NRP1: variants seen among roughly 807,000 people sequenced by gnomAD.
NRP1 encodes neuropilin-1.
In NRP1, 35 loss-of-function variants were observed where a neutral mutation model predicts 106.7. That is an observed-to-expected ratio of 0.33 (90% confidence interval 0.25 to 0.43). NRP1 has a LOEUF of 0.43. Ranked by LOEUF, NRP1 falls within the 20% of genes least tolerant of loss-of-function variation. NRP1 has a pLI of 1.00. For missense variants in NRP1, 1,024 were observed against 1,170.4 expected (o/e 0.87, Z 1.83); for synonymous variants, 437 against 417.9 (o/e 1.05, Z -0.56).
At chr10:33,240,843 T>C (rs1211591773) in intron 6 of NRP1, among the ~76,000 whole-genome samples, 1 of 152,192 alleles carries the variant, frequency 6.6e-6, no homozygotes, top group Admixed American at 6.5e-5. Flanking sequence ...TAGGTACAGC[T>C]GGTTGTCAGA....
At chr10:33,226,376 G>A in intron 6 of NRP1, 87 bp from the exon 7 acceptor site, 1 of 1,455,194 alleles carries the variant, frequency 6.9e-7, no homozygotes. Context: ...CCACGTTGTG[G>A]TTTTCATCCA....
intron 2 of NRP1, among the ~76,000 whole-genome samples, chr10:33,297,206 G>A: frequency 6.6e-6 from 1 of 152,156 alleles, no homozygotes; most frequent in East Asian, 1.9e-4. Flanking sequence ...ATTGCAGGAA[G>A]CAGCACACTT....
chr10:33,224,765 T>C (rs951026695), intron 7 of NRP1, among the ~76,000 whole-genome samples: 5 of 152,134 alleles, frequency 3.3e-5, no homozygotes, highest in Admixed American at 1.3e-4. Context: ...TTCCCTGCAA[T>C]GCATCCATGT....
intron 9 of NRP1, among the ~76,000 whole-genome samples, chr10:33,210,707 A>T (rs1838234775): frequency 6.6e-6 from 1 of 152,254 alleles, no homozygotes; most frequent in Admixed American, 6.5e-5. Context: ...TTTGGGGTAG[A>T]GAGTGAGGAA....
At chr10:33,224,604 G>C (rs139527571) in intron 7 of NRP1, among the ~76,000 whole-genome samples, 87 of 150,008 alleles carry the variant, frequency 5.8e-4, no homozygotes, top group Non-Finnish European at 8.3e-4. Flanking sequence ...AGGATGTATA[G>C]GTTTGTTACA....
At chr10:33,310,777 T>C (rs1012910791) in intron 2 of NRP1, among the ~76,000 whole-genome samples, 1 of 152,152 alleles carries the variant, frequency 6.6e-6, no homozygotes, top group Admixed American at 6.5e-5. Context: ...AAGCGTGAAA[T>C]GGAAAGACAA....
At position 33,179,936 on chromosome 10, in the gene NRP1, C is replaced by T. The variant is rs1835574265; in HGVS notation, c.*140G>A. 1 of 811,366 alleles carries T rather than the reference C, an allele frequency of 1.2e-6. No homozygotes were observed. The highest frequency in any genetic ancestry group is 2.0e-6 in the Non-Finnish European group (1 of 496,688). 50.3% of individuals were successfully genotyped at this position (811,366 alleles called of 1,614,324 possible). ...CTTGTCCATGTCTGTCGGCCATACT[C>T]ATTGAAGCTCCTGAGAAAAGCCTGG... On this transcript the variant is annotated 3_prime_UTR_variant, in exon 17 of 17. Coordinates refer to ENST00000374867, the MANE Select transcript of NRP1 (RefSeq NM_003873.7).
intron 3 of NRP1, among the ~76,000 whole-genome samples, chr10:33,264,437 G>T (rs1314885556): frequency 6.6e-6 from 1 of 152,214 alleles, no homozygotes; most frequent in Non-Finnish European, 1.5e-5. Flanking sequence ...GAGTGGTGTT[G>T]ACACAGGTGG....
intron 6 of NRP1, among the ~76,000 whole-genome samples, chr10:33,252,133 T>C (rs1012779479): frequency 6.6e-6 from 1 of 152,022 alleles, no homozygotes; most frequent in African/African-American, 2.4e-5. Flanking sequence ...AAGTGGCTGA[T>C]CGTCGAGAGC....
intron 4 of NRP1, among the ~76,000 whole-genome samples, chr10:33,262,868 TAATTCA>T (rs1842668909): frequency 1.3e-5 from 2 of 152,228 alleles, no homozygotes; most frequent in African/African-American, 2.4e-5. Flanking sequence ...TTCATGCACA[TAATTCA>T]TTTATTTGTA....
intron 2 of NRP1, among the ~76,000 whole-genome samples, chr10:33,313,888 T>A (rs926731897): frequency 6.6e-6 from 1 of 152,188 alleles, no homozygotes; most frequent in Admixed American, 6.5e-5. Flanking sequence ...TTGTCTTTCA[T>A]CCCATGGAAA....
intron 3 of NRP1, among the ~76,000 whole-genome samples, chr10:33,264,968 G>C (rs576082444): frequency 6.6e-6 from 1 of 152,050 alleles, no homozygotes; most frequent in South Asian, 2.1e-4. Flanking sequence ...AAATTAGCTG[G>C]GCGTGGTCGT....
intron 3 of NRP1, among the ~76,000 whole-genome samples, chr10:33,264,862 A>T (rs1842817259): frequency 6.6e-6 from 1 of 152,170 alleles, no homozygotes; most frequent in African/African-American, 2.4e-5. Context: ...TAATGCCAGC[A>T]CTTTGGGAGG....
intron 13 of NRP1, among the ~76,000 whole-genome samples, chr10:33,187,751 G>A (rs1327478388): frequency 6.6e-6 from 1 of 152,204 alleles, no homozygotes; most frequent in Admixed American, 6.5e-5. Flanking sequence ...GCAGCAAGAG[G>A]TTGTGTTTGT....
intron 6 of NRP1, among the ~76,000 whole-genome samples, chr10:33,240,925 A>G (rs547950767): frequency 6.6e-6 from 1 of 152,350 alleles, no homozygotes; most frequent in South Asian, 2.1e-4. Context: ...GAACTTCTCA[A>G]TTTAATATTT....
At chr10:33,297,673 C>A (rs111961133) in intron 2 of NRP1, among the ~76,000 whole-genome samples, 5 of 130,532 alleles carry the variant, frequency 3.8e-5, no homozygotes, top group African/African-American at 1.2e-4. Context: ...GGAGACAGAG[C>A]GAGACTTTGT....
At chr10:33,202,416 C>A in intron 11 of NRP1, 1 of 486,694 alleles carries the variant, frequency 2.1e-6, no homozygotes, top group Non-Finnish European at 3.5e-6. Flanking sequence ...AATGATTTAC[C>A]AAATCCCAAC....
chr10:33,243,662 C>A (rs762480971), intron 6 of NRP1, among the ~76,000 whole-genome samples: 7 of 152,108 alleles, frequency 4.6e-5, no homozygotes, highest in Non-Finnish European at 7.4e-5. Flanking sequence ...TTGGGGTAAA[C>A]AGAGCTGGGA....
At chr10:33,200,336 G>A (rs1016582611) in intron 11 of NRP1, among the ~76,000 whole-genome samples, 2 of 152,178 alleles carry the variant, frequency 1.3e-5, no homozygotes, top group Non-Finnish European at 2.9e-5. Context: ...TTGCAAATGA[G>A]TAATTTCAGG....
Sources: gnomAD v4.1 joint callset for allele counts (sites outside exome capture counted in the v4.1 genomes callset) on GRCh38, gnomAD v4.1.1 for gene constraint, MANE v1.5 for transcripts, NCBI Gene and HGNC (gene_info 2026-07-23, HGNC 2026-07-21) for gene names.